Variants in PIR observed in about 807,000 individuals in gnomAD.
PIR encodes the protein pirin (iron-binding nuclear protein).
A neutral mutation model predicts 24.2 loss-of-function variants in PIR; 22 were observed. That is an observed-to-expected ratio of 0.91 (90% CI 0.65 to 1.30). The LOEUF (loss-of-function observed/expected upper bound fraction) is 1.30. PIR is among the 50% of genes most tolerant of loss of function. The pLI is 0.00. For missense variants in PIR, 220 were observed against 220.3 expected, an observed-to-expected ratio of 1.00 and a Z score of 0.01; for synonymous variants, 80 against 79.6, an observed-to-expected ratio of 1.00 and a Z score of -0.03.
At chrX:15,385,663 G>A (rs781649652) in intron 9 of PIR, among the ~76,000 whole-genome samples, 1 of 112,164 alleles carries the variant, frequency 8.9e-6, no homozygotes, top group Admixed American at 9.4e-5. Context: ...TTTTCTAGGG[G>A]TTGGCAAATG....
chrX:15,486,435 G>A (rs1044878257), intron 2 of PIR, among the ~76,000 whole-genome samples: 1 of 110,118 alleles, frequency 9.1e-6, no homozygotes, highest in East Asian at 2.8e-4. Context: ...GTTCCTTGAG[G>A]ATGGGGCCGA....
intron 5 of PIR, among the ~76,000 whole-genome samples, chrX:15,454,236 C>G (rs1358634032): frequency 9.0e-6 from 1 of 111,462 alleles, no homozygotes; most frequent in Non-Finnish European, 1.9e-5. Context: ...AGAAACTCTT[C>G]ACAAACAGCT....
At chrX:15,407,485 A>G in intron 7 of PIR, 21 bp downstream of exon 7, 1 of 1,161,147 alleles carries the variant, frequency 8.6e-7, no homozygotes, top group Non-Finnish European at 1.2e-6. Context: ...TTGAGCCCTA[A>G]GTGACACAGC....
intron 5 of PIR, among the ~76,000 whole-genome samples, chrX:15,448,815 T>C (rs1398257475): frequency 8.9e-6 from 1 of 112,037 alleles, no homozygotes; most frequent in African/African-American, 3.2e-5. Flanking sequence ...ACAAGCAGAA[T>C]TGATTCTCCC....
intron 3 of PIR, among the ~76,000 whole-genome samples, chrX:15,460,062 A>T (rs1269536410): frequency 8.9e-6 from 1 of 112,062 alleles, no homozygotes; most frequent in Non-Finnish European, 1.9e-5. Context: ...CACATCTGTT[A>T]GGACAGCTAC....
At chrX:15,409,299 A>G (rs1924659012) in intron 6 of PIR, among the ~76,000 whole-genome samples, 1 of 105,507 alleles carries the variant, frequency 9.5e-6, no homozygotes, top group Non-Finnish European at 1.9e-5. Flanking sequence ...GGGTTTCACC[A>G]TGTTAGCCAG....
At chrX:15,491,558 C>A (rs1027067544) in intron 1 of PIR, among the ~76,000 whole-genome samples, 66 of 111,685 alleles carry the variant, frequency 5.9e-4, no homozygotes, top group African/African-American at 2.1e-3. Flanking sequence ...CTACAGTAAT[C>A]TTGTGCGAAG....
chrX:15,435,536 C>G, intron 5 of PIR, among the ~76,000 whole-genome samples: 1 of 112,088 alleles, frequency 8.9e-6, no homozygotes, highest in African/African-American at 3.2e-5. Flanking sequence ...GCTCAGGAGT[C>G]CCAACTAATA....
At chrX:15,450,455 A>C (rs931073977) in intron 5 of PIR, among the ~76,000 whole-genome samples, 1 of 110,668 alleles carries the variant, frequency 9.0e-6, no homozygotes, top group African/African-American at 3.3e-5. Context: ...CGTATATGTT[A>C]CCTGTTTCCA....
At chrX:15,492,316 A>G (rs1172611214) in intron 1 of PIR, among the ~76,000 whole-genome samples, 1 of 111,549 alleles carries the variant, frequency 9.0e-6, no homozygotes, top group African/African-American at 3.3e-5. Context: ...AGCATAGGCA[A>G]GTCATGGACC....
At chrX:15,397,851 G>C (rs985887454) in intron 7 of PIR, among the ~76,000 whole-genome samples, 3 of 111,928 alleles carry the variant, frequency 2.7e-5, no homozygotes, top group African/African-American at 9.7e-5. Flanking sequence ...ATTAAAAATA[G>C]TTAGAAAAAT....
At chrX:15,486,443 C>T (rs1479444917) in intron 2 of PIR, among the ~76,000 whole-genome samples, 1 of 110,047 alleles carries the variant, frequency 9.1e-6, no homozygotes, top group Non-Finnish European at 1.9e-5. Flanking sequence ...AGGATGGGGC[C>T]GATGCTATGC....
intron 3 of PIR, among the ~76,000 whole-genome samples, chrX:15,473,787 C>T (rs1922053578): frequency 1.8e-5 from 2 of 112,243 alleles, no homozygotes; most frequent in South Asian, 7.3e-4. Flanking sequence ...GAACTCCTGA[C>T]CTCATGATCC....
chrX:15,484,280 A>G (rs1205302134), intron 2 of PIR, among the ~76,000 whole-genome samples: 1 of 102,588 alleles, frequency 9.7e-6, no homozygotes, highest in Non-Finnish European at 2.0e-5. Flanking sequence ...AGAAAAGAGG[A>G]GAGCGGTAGA....
At chrX:15,389,305 T>C (rs1923877325) in intron 9 of PIR, among the ~76,000 whole-genome samples, 1 of 111,914 alleles carries the variant, frequency 8.9e-6, no homozygotes, top group African/African-American at 3.2e-5. Flanking sequence ...AAAATGGTTG[T>C]CAAATGCTAC....
chrX:15,472,963 G>A (rs1296634056), intron 3 of PIR, among the ~76,000 whole-genome samples: 1 of 111,683 alleles, frequency 9.0e-6, no homozygotes, highest in African/African-American at 3.3e-5. Flanking sequence ...TTGGCAATAA[G>A]CCATTTAAAA....
At chrX:15,490,410 G>A (rs1180113167) in intron 2 of PIR, among the ~76,000 whole-genome samples, 2 of 111,597 alleles carry the variant, frequency 1.8e-5, no homozygotes, top group Non-Finnish European at 3.8e-5. Context: ...TTTCAAAATG[G>A]AATCCATCTC....
intron 2 of PIR, among the ~76,000 whole-genome samples, chrX:15,488,641 T>G (rs945804316): frequency 8.9e-6 from 1 of 112,241 alleles, no homozygotes; most frequent in African/African-American, 3.2e-5. Context: ...TACAATTATA[T>G]GGAAACAAAC....
At chrX:15,420,201 C>A (rs1399794895) in intron 6 of PIR, among the ~76,000 whole-genome samples, 7 of 111,505 alleles carry the variant, frequency 6.3e-5, no homozygotes, top group Admixed American at 4.8e-4. Flanking sequence ...CATCTCAAAA[C>A]AACAACAACG....
Sources: gnomAD v4.1 joint callset for allele counts (sites outside exome capture counted in the v4.1 genomes callset) on GRCh38, gnomAD v4.1.1 for gene constraint, MANE v1.5 for transcripts, NCBI Gene and HGNC (gene_info 2026-07-23, HGNC 2026-07-21) for gene names.